WDPCP: variants seen among roughly 807,000 people sequenced by gnomAD.
WDPCP encodes WD repeat-containing and planar cell polarity effector protein fritz homolog.
In WDPCP, 71 loss-of-function variants were observed where a neutral mutation model predicts 93.1. The ratio of observed to expected loss-of-function variants is 0.76; its 90% CI spans 0.63 to 0.93. The LOEUF (loss-of-function observed/expected upper bound fraction) is 0.93, where lower values mean the gene tolerates loss of function less well. Among genes scored for constraint, WDPCP ranks in the 40% least tolerant of loss-of-function variants. The pLI is 0.00. For missense variants in WDPCP, 844 were observed against 887.4 expected, an observed-to-expected ratio of 0.95 and a Z score of 0.62; for synonymous variants, 315 against 315.0, an observed-to-expected ratio of 1.00 and a Z score of 0.00.
rs369131968 is a variant in WDPCP at position 63,120,780 on chromosome 2, C to T, written c.*1226G>A. 1.9e-4 allele frequency among the ~76,000 whole-genome samples: 29 copies of T among 151,968 alleles called. No homozygotes were observed. Among genetic ancestry groups the T allele is most frequent in the East Asian group, 1.9e-4 (1 of 5,162 alleles). ...CCATCTCCTGACCTCGTGATTCGCC[C>T]GCCTTGGCCTCCCAAAGTGCTGGGA... is the stretch of plus-strand genomic sequence containing the variant. On this transcript the variant is annotated 3_prime_UTR_variant, in exon 18 of 18. Coordinates refer to ENST00000272321, the MANE Select transcript of WDPCP (RefSeq NM_015910.7).
intron 2 of WDPCP, among the ~76,000 whole-genome samples, chr2:63,812,913 TG>T (rs1460510917): frequency 5.3e-5 from 8 of 151,934 alleles, no homozygotes; most frequent in Non-Finnish European, 1.0e-4. Flanking sequence ...AGTCTCACTC[TG>T]GTGCCCAAGC....
intron 11 of WDPCP, among the ~76,000 whole-genome samples, chr2:63,379,660 C>G (rs983036998): frequency 6.6e-6 from 1 of 152,112 alleles, no homozygotes; most frequent in Admixed American, 6.6e-5. Context: ...GCTGTAGATT[C>G]ATTAGATAGC....
At chr2:63,627,617 T>G (rs909058122) in intron 3 of WDPCP, among the ~76,000 whole-genome samples, 1 of 152,098 alleles carries the variant, frequency 6.6e-6, no homozygotes, top group Admixed American at 6.6e-5. Context: ...GAAGGAGTAG[T>G]TGAACATTGG....
chr2:63,825,250 C>T (rs2104146765), intron 1 of WDPCP, among the ~76,000 whole-genome samples: 1 of 152,238 alleles, frequency 6.6e-6, no homozygotes, highest in Non-Finnish European at 1.5e-5. Context: ...GAAAAGGCCA[C>T]TCTGCCTCGC....
intron 14 of WDPCP, among the ~76,000 whole-genome samples, chr2:63,236,764 T>C (rs752535600): frequency 1.3e-5 from 2 of 151,872 alleles, no homozygotes; most frequent in Non-Finnish European, 2.9e-5. Context: ...GCTGGGAAAA[T>C]AGGCTAGCCA....
chr2:63,750,613 C>A (rs1669865012), intron 2 of WDPCP, among the ~76,000 whole-genome samples: 1 of 152,064 alleles, frequency 6.6e-6, no homozygotes, highest in Non-Finnish European at 1.5e-5. Context: ...AATGTATGTT[C>A]ATTAAGTGTG....
intron 13 of WDPCP, among the ~76,000 whole-genome samples, chr2:63,299,966 C>T (rs1392318746): frequency 1.3e-5 from 2 of 152,200 alleles, no homozygotes; most frequent in East Asian, 3.9e-4. Flanking sequence ...CTGCCAGCCA[C>T]GTGTGCTGTA....
intron 15 of WDPCP, among the ~76,000 whole-genome samples, chr2:63,161,255 C>CA: frequency 6.6e-6 from 1 of 152,302 alleles, no homozygotes; most frequent in East Asian, 1.9e-4. Flanking sequence ...ACACCAAAGA[C>CA]AAAAGCATCT....
At chr2:63,753,036 T>A (rs1055376118) in intron 2 of WDPCP, among the ~76,000 whole-genome samples, 2 of 152,196 alleles carry the variant, frequency 1.3e-5, no homozygotes, top group Non-Finnish European at 2.9e-5. Flanking sequence ...TTTCTGTTTT[T>A]AAGTCTTTTT....
intron 1 of WDPCP, among the ~76,000 whole-genome samples, chr2:63,537,227 C>G (rs141316584): frequency 9.5e-4 from 145 of 152,298 alleles, no homozygotes; most frequent in African/African-American, 3.5e-3. Flanking sequence ...AGTAAATCAA[C>G]TCTCTTGCTG....
chr2:63,797,469 A>G (rs1465820315), intron 2 of WDPCP, among the ~76,000 whole-genome samples: 4 of 152,056 alleles, frequency 2.6e-5, no homozygotes, highest in Admixed American at 1.3e-4. Flanking sequence ...CCCTGAAGGA[A>G]GAGTCCCAGG....
chr2:63,539,761 C>G (rs1704573046), intron 1 of WDPCP, among the ~76,000 whole-genome samples: 1 of 152,120 alleles, frequency 6.6e-6, no homozygotes, highest in Non-Finnish European at 1.5e-5. Flanking sequence ...TAATATATTT[C>G]TTTCCAGTAA....
At chr2:63,747,081 C>T (rs1669808968) in intron 2 of WDPCP, among the ~76,000 whole-genome samples, 1 of 152,094 alleles carries the variant, frequency 6.6e-6, no homozygotes, top group Admixed American at 6.5e-5. Context: ...TAGAAAAGGA[C>T]CGACGTTGAA....
At chr2:63,514,698 A>G (rs1391960096) in intron 1 of WDPCP, among the ~76,000 whole-genome samples, 1 of 152,182 alleles carries the variant, frequency 6.6e-6, no homozygotes, top group Non-Finnish European at 1.5e-5. Flanking sequence ...AAACACCTAA[A>G]TACAGATATA....
intron 6 of WDPCP, among the ~76,000 whole-genome samples, chr2:63,463,223 GA>G (rs1699135924): frequency 1.3e-5 from 2 of 151,920 alleles, no homozygotes; most frequent in Non-Finnish European, 2.9e-5. Context: ...AAGATGATAA[GA>G]TTTTTTTTAC....
upstream of WDPCP, among the ~76,000 whole-genome samples, chr2:63,828,114 C>A (rs1248740138): frequency 6.6e-6 from 1 of 151,944 alleles, no homozygotes; most frequent in Non-Finnish European, 1.5e-5. Flanking sequence ...TGTCTTTTCT[C>A]CCTGGATGTT....
intron 11 of WDPCP, among the ~76,000 whole-genome samples, chr2:63,379,235 T>C (rs1028718182): frequency 9.9e-5 from 15 of 152,116 alleles, no homozygotes; most frequent in African/African-American, 3.1e-4. Flanking sequence ...GTTAAGTAAT[T>C]ACCATAATGG....
chr2:63,613,891 T>G (rs1709645253), intron 3 of WDPCP, among the ~76,000 whole-genome samples: 1 of 152,118 alleles, frequency 6.6e-6, no homozygotes, highest in Admixed American at 6.5e-5. Context: ...TAAGACCCCC[T>G]CCCTAGGAAT....
chr2:63,721,895 A>G (rs1425296557), intron 2 of WDPCP, among the ~76,000 whole-genome samples: 2 of 152,066 alleles, frequency 1.3e-5, no homozygotes, highest in African/African-American at 4.8e-5. Flanking sequence ...TCGCGCCGCC[A>G]CGCCTGACTG....
Sources: allele counts gnomAD v4.1 joint callset (sites outside exome capture counted in the v4.1 genomes callset), GRCh38; gene constraint gnomAD v4.1.1; transcripts MANE v1.5; gene names NCBI Gene and HGNC (gene_info 2026-07-23, HGNC 2026-07-21).